Variants in NCEH1 observed in about 807,000 individuals in gnomAD.
NCEH1 encodes the protein 2-acetyl MAGE hydrolase.
In NCEH1, 9 loss-of-function variants were observed where a neutral mutation model predicts 25.4. The observed-to-expected ratio is 0.35, with a 90% CI of 0.21 to 0.62. The LOEUF is 0.62. Among genes scored for constraint, NCEH1 ranks in the 20% least tolerant of loss-of-function variants. The pLI is 0.72. For missense variants in NCEH1, 412 were observed against 501.1 expected (o/e 0.82, Z 1.70); for synonymous variants, 200 against 199.8 (o/e 1.00, Z -0.01).
chr3:172,656,343 T>C (rs2108502710), intron 1 of NCEH1, among the ~76,000 whole-genome samples: 1 of 152,318 alleles, frequency 6.6e-6, no homozygotes, highest in East Asian at 1.9e-4. Flanking sequence ...ACATAGGATC[T>C]GGAAAGCAGA....
At chr3:172,672,254 T>C (rs1228606419) in intron 1 of NCEH1, among the ~76,000 whole-genome samples, 1 of 152,196 alleles carries the variant, frequency 6.6e-6, no homozygotes, top group Non-Finnish European at 1.5e-5. Flanking sequence ...ACATGTTGAG[T>C]ACCGTTTCAC....
rs534240078 is a variant in NCEH1 at position 172,630,351 on chromosome 3, G to A, written c.*3124C>T. The stretch of plus-strand genomic sequence containing the variant: ...TGAAACAATTCAGCTCAAACTCTTG[G>A]CATTATGATCATCCTTTTCCTAACA... On this transcript the variant is annotated 3_prime_UTR_variant, in exon 5 of 5. Transcript: ENST00000475381. The A allele has an allele frequency of 1.1e-3, 160 of 152,280 alleles. No homozygotes were observed. Among genetic ancestry groups the A allele is most frequent in the African/African-American group, 3.6e-3 (151 of 41,540 alleles). The allele number at this position is 152,280 out of a possible 1,614,324, so 9.4% of individuals were successfully genotyped here.
intron 1 of NCEH1, among the ~76,000 whole-genome samples, chr3:172,652,278 G>A (rs979429867): frequency 6.6e-6 from 1 of 152,196 alleles, no homozygotes; most frequent in Non-Finnish European, 1.5e-5. Flanking sequence ...TCTTGCAGAT[G>A]GACCTAAGAC....
intron 3 of NCEH1, among the ~76,000 whole-genome samples, chr3:172,643,636 T>C (rs1716970212): frequency 6.6e-6 from 1 of 152,202 alleles, no homozygotes; most frequent in African/African-American, 2.4e-5. Flanking sequence ...GCAATACCCA[T>C]TTTACTTGAG....
At chr3:172,644,405 A>T (rs1018129290) in intron 3 of NCEH1, among the ~76,000 whole-genome samples, 29 of 152,214 alleles carry the variant, frequency 1.9e-4, no homozygotes, top group Non-Finnish European at 4.3e-4. Context: ...GATAGCTGAC[A>T]GAGAGGCAGA....
At chr3:172,696,408 G>A (rs548432120) in intron 1 of NCEH1, among the ~76,000 whole-genome samples, 10 of 152,312 alleles carry the variant, frequency 6.6e-5, no homozygotes, top group African/African-American at 2.4e-4. Flanking sequence ...GTAGACAACT[G>A]ACAAAAATCA....
chr3:172,630,409 C>A lies in NCEH1; in HGVS notation c.*3066G>T, dbSNP rs1002450547. 6.6e-6 allele frequency: 1 copy of A among 152,206 alleles called. No individual in the cohort carries two copies. Among genetic ancestry groups the A allele is most frequent in the Admixed American group, 6.5e-5 (1 of 15,282 alleles). 9.4% of individuals were successfully genotyped at this position (152,206 alleles called of 1,614,324 possible). A position where few individuals can be genotyped will look rare whatever the true frequency, so the allele number is the denominator to read the frequency against. On this transcript the variant is annotated 3_prime_UTR_variant, in exon 5 of 5. Transcript: ENST00000475381. ...TGAAGGTCCCAAAATAGTCCCAGGG[C>A]CTGCCTGGCTTTTATGAATATTCTA... is the stretch of plus-strand genomic sequence containing the variant.
chr3:172,679,965 C>A (rs1231512497), intron 1 of NCEH1, among the ~76,000 whole-genome samples: 1 of 152,094 alleles, frequency 6.6e-6, no homozygotes, highest in Non-Finnish European at 1.5e-5. Flanking sequence ...AGAACGAATT[C>A]TTTTCTTATC....
At chr3:172,694,366 A>G (rs989178040) in intron 1 of NCEH1, among the ~76,000 whole-genome samples, 3 of 150,650 alleles carry the variant, frequency 2.0e-5, no homozygotes, top group African/African-American at 7.4e-5. Context: ...ATTTGGGGAA[A>G]GAGTTATATA....
chr3:172,635,874 T>G, intron 4 of NCEH1, 42 bp downstream of exon 4: 1 of 1,585,084 alleles, frequency 6.3e-7, no homozygotes, highest in Non-Finnish European at 8.6e-7. Flanking sequence ...GACCTTGTCA[T>G]GCACCGCTTA....
intron 1 of NCEH1, among the ~76,000 whole-genome samples, chr3:172,694,422 G>A (rs1158103497): frequency 1.3e-5 from 2 of 151,914 alleles, no homozygotes; most frequent in Non-Finnish European, 2.9e-5. Flanking sequence ...GTGTATGTGT[G>A]TATTTTACTA....
chr3:172,676,791 G>C (rs775719757), intron 1 of NCEH1, among the ~76,000 whole-genome samples: 1 of 152,042 alleles, frequency 6.6e-6, no homozygotes, highest in African/African-American at 2.4e-5. Flanking sequence ...CACCTCTCTT[G>C]GTCCTATTCT....
intron 1 of NCEH1, among the ~76,000 whole-genome samples, chr3:172,665,763 G>A (rs545728564): frequency 2.6e-4 from 39 of 152,326 alleles, no homozygotes; most frequent in African/African-American, 9.1e-4. Context: ...AGTGAGCAAG[G>A]CTCCATGGGT....
intron 1 of NCEH1, among the ~76,000 whole-genome samples, chr3:172,706,792 C>T (rs1427479575): frequency 1.3e-5 from 2 of 152,078 alleles, no homozygotes; most frequent in Non-Finnish European, 2.9e-5. Context: ...TGAGCCACCA[C>T]ACCCGACCTT....
chr3:172,707,180 C>A (rs553318437), intron 1 of NCEH1, among the ~76,000 whole-genome samples: 8 of 152,156 alleles, frequency 5.3e-5, no homozygotes, highest in African/African-American at 1.4e-4. Flanking sequence ...AAAAAAAAAT[C>A]TTTGTCTGCA....
chr3:172,694,977 G>A (rs1307457136), intron 1 of NCEH1, among the ~76,000 whole-genome samples: 1 of 152,052 alleles, frequency 6.6e-6, no homozygotes, highest in African/African-American at 2.4e-5. Context: ...GGAGGACCAA[G>A]TGCTGTTCGT....
chr3:172,653,746 TTTTTTG>T (rs1311148202), intron 1 of NCEH1, among the ~76,000 whole-genome samples: 1 of 75,348 alleles, frequency 1.3e-5, no homozygotes, highest in Non-Finnish European at 2.4e-5. Flanking sequence ...TTTTTTTTGT[TTTTTTG>T]TTTTTTTGTT....
chr3:172,644,523 A>G (rs1238223775), intron 3 of NCEH1, among the ~76,000 whole-genome samples: 1 of 152,224 alleles, frequency 6.6e-6, no homozygotes, highest in Admixed American at 6.5e-5. Flanking sequence ...AACTGGATCA[A>G]AAAGGTCCAG....
At chr3:172,700,954 G>A (rs1442091359) in intron 1 of NCEH1, among the ~76,000 whole-genome samples, 1 of 152,128 alleles carries the variant, frequency 6.6e-6, no homozygotes, top group African/African-American at 2.4e-5. Context: ...AAAAAGTTAT[G>A]TTAAGGTCTC....
Sources: allele counts gnomAD v4.1 joint callset (sites outside exome capture counted in the v4.1 genomes callset), GRCh38; gene constraint gnomAD v4.1.1; transcripts MANE v1.5; gene names NCBI Gene and HGNC (gene_info 2026-07-23, HGNC 2026-07-21).